The following CRPPA variants were observed in gnomAD, a reference collection of about 807,000 sequenced individuals.
CRPPA encodes D-ribitol-5-phosphate cytidylyltransferase.
In CRPPA, 43 loss-of-function variants were observed where a neutral mutation model predicts 52.0. The ratio of observed to expected loss-of-function variants is 0.83; its 90% confidence interval spans 0.65 to 1.07. CRPPA has a LOEUF of 1.07. Ranked by LOEUF, CRPPA falls within the 50% of genes least tolerant of loss-of-function variation. The pLI, the probability that CRPPA is intolerant of heterozygous loss-of-function variation, is 0.00. For missense variants in CRPPA, 629 were observed against 551.7 expected (o/e 1.14, Z -1.40); for synonymous variants, 250 against 203.5 (o/e 1.23, Z -1.94).
chr7:16,182,086 T>A (rs1331853399), intron 9 of CRPPA, among the ~76,000 whole-genome samples: 1 of 152,020 alleles, frequency 6.6e-6, no homozygotes, highest in Non-Finnish European at 1.5e-5. Flanking sequence ...TAAAAACATA[T>A]GTAATACGTA....
rs1786167542 is a variant in CRPPA, at chr7:16,352,001, T to C, written c.684+24091A>G. Among the ~76,000 whole-genome samples the C allele has an allele frequency of 2.0e-5, 3 of 152,070 alleles. No individual in the cohort carries two copies. The South Asian group carries it at 6.2e-4, about 32-fold the overall frequency. ...CAGCACTATTTACAATAGCAGAGACTTGGAACCAACCCAAATGCCCATCAA... is the reference window on the plus strand; with the variant it reads ...CAGCACTATTTACAATAGCAGAGACCTGGAACCAACCCAAATGCCCATCAA... On this transcript the variant is annotated intron_variant, in intron 3 of 9. Transcript: ENST00000407010.
intron 8 of CRPPA, among the ~76,000 whole-genome samples, chr7:16,237,948 A>G (rs919961826): frequency 6.6e-6 from 1 of 152,212 alleles, no homozygotes; most frequent in African/African-American, 2.4e-5. Context: ...CACATCCTTA[A>G]GATGACTTCT....
intron 3 of CRPPA, among the ~76,000 whole-genome samples, chr7:16,359,918 A>C (rs530082439): frequency 1.3e-5 from 2 of 152,254 alleles, no homozygotes; most frequent in East Asian, 3.9e-4. Flanking sequence ...ATACAACACC[A>C]TGAACTCAGG....
At chr7:16,281,946 T>C (rs969690687) in intron 5 of CRPPA, among the ~76,000 whole-genome samples, 53 of 152,290 alleles carry the variant, frequency 3.5e-4, no homozygotes, top group African/African-American at 1.3e-3. Flanking sequence ...GAGCATTCAA[T>C]ATTTTTCATA....
Position 16,391,016 on chromosome 7 carries a change from T to C in CRPPA, c.535-14775A>G, listed in dbSNP as rs535385842. On this transcript the variant is annotated intron_variant, in intron 2 of 9. Coordinates refer to ENST00000407010, the MANE Select transcript of CRPPA (RefSeq NM_001101426.4). ...ATGACCACATGAAGTCCCATGACTT[T>C]AAACACCATCTACATGAGAACTTCC... Among the ~76,000 whole-genome samples, 8 of 152,296 alleles carry C rather than the reference T, an allele frequency of 5.3e-5. No individual in the cohort carries two copies. In the South Asian group the frequency reaches 1.7e-3, roughly 32 times the overall value.
Position 16,088,075 on chromosome 7 carries a change from A to C in CRPPA, c.*3620T>G, listed in dbSNP as rs1781733057. On this transcript the variant is annotated 3_prime_UTR_variant, in exon 10 of 10. Coordinates refer to ENST00000407010, the MANE Select transcript of CRPPA (RefSeq NM_001101426.4). Reference sequence around the variant, plus strand: ...GGGAGCTGACTCTTACCTGTAAATGAGTATACTTGCAACAAGTCATCTCAA... The same window carrying C: ...GGGAGCTGACTCTTACCTGTAAATGCGTATACTTGCAACAAGTCATCTCAA... 6.6e-6 allele frequency: 1 copy of C among 152,168 alleles called. No individual in the cohort carries two copies. Among genetic ancestry groups the C allele is most frequent in the African/African-American group, 2.4e-5 (1 of 41,446 alleles). The allele number at this position is 152,168 out of a possible 1,614,324, so 9.4% of individuals were successfully genotyped here.
chr7:16,419,438 C>G (rs1178489660), intron 1 of CRPPA, among the ~76,000 whole-genome samples: 3 of 152,158 alleles, frequency 2.0e-5, no homozygotes, highest in Non-Finnish European at 4.4e-5. Flanking sequence ...GATAATAGCC[C>G]TTTCCCAAAA....
chr7:16,398,681 GTGAC>G (rs1300450718), intron 2 of CRPPA, among the ~76,000 whole-genome samples: 2 of 152,130 alleles, frequency 1.3e-5, no homozygotes, highest in African/African-American at 4.8e-5. Context: ...CACGTGACAT[GTGAC>G]TGACACGATT....
At chr7:16,381,340 A>C (rs1216115684) in intron 2 of CRPPA, among the ~76,000 whole-genome samples, 2 of 151,120 alleles carry the variant, frequency 1.3e-5, no homozygotes, top group African/African-American at 4.8e-5. Context: ...GTTTGATTGC[A>C]CTGTGGTCTG....
At chr7:16,097,844 T>C (rs1191888592) in intron 9 of CRPPA, among the ~76,000 whole-genome samples, 1 of 152,152 alleles carries the variant, frequency 6.6e-6, no homozygotes, top group Non-Finnish European at 1.5e-5. Context: ...CCTCAAAATT[T>C]GAGCAAGGAA....
At chr7:16,248,930 G>T (rs1783357183) in intron 8 of CRPPA, among the ~76,000 whole-genome samples, 2 of 152,170 alleles carry the variant, frequency 1.3e-5, no homozygotes. Flanking sequence ...TTGGCTCAGT[G>T]GGACCCATAC....
chr7:16,342,426 G>A (rs557099536), intron 3 of CRPPA, among the ~76,000 whole-genome samples: 10 of 152,088 alleles, frequency 6.6e-5, no homozygotes, highest in African/African-American at 2.4e-4. Flanking sequence ...GTCAAAACAG[G>A]CACAAACTTA....
intron 2 of CRPPA, among the ~76,000 whole-genome samples, chr7:16,397,322 G>A (rs1378450527): frequency 6.6e-6 from 1 of 152,210 alleles, no homozygotes; most frequent in African/African-American, 2.4e-5. Flanking sequence ...ACACGTGATG[G>A]ACACGTGTGA....
At chr7:16,231,347 G>A (rs1782790558) in intron 8 of CRPPA, among the ~76,000 whole-genome samples, 2 of 152,220 alleles carry the variant, frequency 1.3e-5, no homozygotes, top group South Asian at 4.2e-4. Flanking sequence ...TGTTTCTGGT[G>A]GTGGGGTGAC....
chr7:16,338,981 AT>A lies in CRPPA; in HGVS notation c.685-30355del, dbSNP rs544538382. ...CAGGCATCCGTCACCACGCCGGCTA[AT>A]TTTTTTTTGTATTTTTAGTAGAGAT... is the stretch of plus-strand genomic sequence containing the variant. On this transcript the variant is annotated intron_variant, in intron 3 of 9. Transcript: ENST00000407010. 4.6e-5 allele frequency among the ~76,000 whole-genome samples: 7 copies of A among 150,886 alleles called. No homozygotes were observed. The East Asian group carries it at 9.8e-4, about 21-fold the overall frequency.
chr7:16,126,470 T>A (rs762318116), intron 9 of CRPPA, among the ~76,000 whole-genome samples: 1 of 152,124 alleles, frequency 6.6e-6, no homozygotes, highest in Non-Finnish European at 1.5e-5. Context: ...CAAATGTGTA[T>A]AAAAGGCCAA....
At chr7:16,111,162 C>G (rs565770301) in intron 9 of CRPPA, among the ~76,000 whole-genome samples, 1 of 151,986 alleles carries the variant, frequency 6.6e-6, no homozygotes, top group Admixed American at 6.6e-5. Context: ...AAACGGCCAA[C>G]AAGTGTATGA....
intron 9 of CRPPA, among the ~76,000 whole-genome samples, chr7:16,160,845 T>C (rs892703844): frequency 4.6e-5 from 7 of 152,304 alleles, no homozygotes; most frequent in Non-Finnish European, 8.8e-5. Context: ...CTTTGAGCAG[T>C]GGCTTGTAGT....
At chr7:16,357,933 T>C (rs1364215509) in intron 3 of CRPPA, among the ~76,000 whole-genome samples, 1 of 152,050 alleles carries the variant, frequency 6.6e-6, no homozygotes, top group Non-Finnish European at 1.5e-5. Context: ...AAACCGCAAA[T>C]GCCTGGCAAC....
Sources: gnomAD v4.1 joint callset for allele counts (sites outside exome capture counted in the v4.1 genomes callset) on GRCh38, gnomAD v4.1.1 for gene constraint, MANE v1.5 for transcripts, NCBI Gene and HGNC (gene_info 2026-07-23, HGNC 2026-07-21) for gene names.